Variants in CNTNAP4 observed in about 807,000 individuals in gnomAD.
CNTNAP4 encodes the protein contactin-associated protein-like 4.
CNTNAP4 carries 98 observed loss-of-function variants against 148.4 expected under a neutral mutation model. That is an observed-to-expected ratio of 0.66 (90% CI 0.56 to 0.78). The LOEUF (loss-of-function observed/expected upper bound fraction) is 0.78. CNTNAP4 is among the 30% of genes least tolerant of loss of function. CNTNAP4 has a pLI of 0.00. For missense variants in CNTNAP4, 1,935 were observed against 1,565.6 expected, an observed-to-expected ratio of 1.24 and a Z score of -3.98; for synonymous variants, 730 against 565.1, an observed-to-expected ratio of 1.29 and a Z score of -4.14.
At chr16:76,383,246 C>T (rs528924978) in intron 3 of CNTNAP4, among the ~76,000 whole-genome samples, 1 of 151,698 alleles carries the variant, frequency 6.6e-6, no homozygotes, top group Non-Finnish European at 1.5e-5. Flanking sequence ...TTTGTAAACT[C>T]CAATGAAATA....
intron 3 of CNTNAP4, among the ~76,000 whole-genome samples, chr16:76,399,195 C>T (rs1290212907): frequency 6.6e-6 from 1 of 152,098 alleles, no homozygotes; most frequent in Non-Finnish European, 1.5e-5. Context: ...TCTAGTGTGG[C>T]TCTATTAGCA....
chr16:76,350,470 T>C (rs942479565), intron 2 of CNTNAP4, among the ~76,000 whole-genome samples: 1 of 152,222 alleles, frequency 6.6e-6, no homozygotes, highest in Non-Finnish European at 1.5e-5. Flanking sequence ...GGATAATTTT[T>C]AGTTTGCTTT....
chr16:76,469,816 A>G (rs962504643), intron 10 of CNTNAP4, among the ~76,000 whole-genome samples: 1 of 152,240 alleles, frequency 6.6e-6, no homozygotes, highest in African/African-American at 2.4e-5. Context: ...AGTAATCCTA[A>G]CAATCTTAAA....
chr16:76,462,171 G>A (rs1232326838), intron 9 of CNTNAP4, 66 bp downstream of exon 9: 1 of 1,380,080 alleles, frequency 7.2e-7, no homozygotes, highest in Non-Finnish European at 1.0e-6. Flanking sequence ...CCGTGTCTTG[G>A]CGAAGTCATC....
At chr16:76,486,325 A>G (rs2082024039) in intron 12 of CNTNAP4, among the ~76,000 whole-genome samples, 1 of 152,234 alleles carries the variant, frequency 6.6e-6, no homozygotes, top group South Asian at 2.1e-4. Flanking sequence ...AAAATGCATT[A>G]TTAATGAAGA....
chr16:76,432,975 A>G (rs1026500835), intron 4 of CNTNAP4, among the ~76,000 whole-genome samples: 1 of 152,186 alleles, frequency 6.6e-6, no homozygotes, highest in South Asian at 2.1e-4. Context: ...CTCTATTTGG[A>G]TAACTCTCTT....
rs531618471 is a variant in CNTNAP4 at position 76,516,618 on chromosome 16, A to G, written c.2366-4522A>G. 6.6e-5 allele frequency among the ~76,000 whole-genome samples: 10 copies of G among 152,354 alleles called. No homozygotes were observed. In the South Asian group the frequency reaches 1.7e-3, roughly 25 times the overall value. On this transcript the variant is annotated intron_variant, in intron 15 of 23. Coordinates refer to ENST00000611870, the MANE Select transcript of CNTNAP4 (RefSeq NM_033401.5). The stretch of plus-strand genomic sequence containing the variant: ...AAATATTTGTACACAGATGTTGACA[A>G]AAGCTTTATTGGTAATAGCTGAAAG...
chr16:76,527,201 C>T (rs900109191), intron 17 of CNTNAP4, among the ~76,000 whole-genome samples: 3 of 152,158 alleles, frequency 2.0e-5, no homozygotes, highest in African/African-American at 7.2e-5. Context: ...ACCTTCTCAG[C>T]AGTAAATTGG....
At chr16:76,514,253 C>T (rs2144031385) in intron 15 of CNTNAP4, among the ~76,000 whole-genome samples, 1 of 152,256 alleles carries the variant, frequency 6.6e-6, no homozygotes, top group South Asian at 2.1e-4. Context: ...ATAAGTGTTA[C>T]TTATCTCATT....
intron 1 of CNTNAP4, among the ~76,000 whole-genome samples, chr16:76,313,983 TGAA>T (rs1961426910): frequency 6.6e-6 from 1 of 152,214 alleles, no homozygotes; most frequent in African/African-American, 2.4e-5. Context: ...TGACATCGAA[TGAA>T]GAATTGGCTG....
intron 15 of CNTNAP4, among the ~76,000 whole-genome samples, chr16:76,510,766 G>A (rs1411855797): frequency 2.0e-5 from 3 of 152,074 alleles, no homozygotes; most frequent in Admixed American, 6.6e-5. Flanking sequence ...AATTCTTTCA[G>A]ACTTGAAAGT....
chr16:76,500,024 C>T (rs1282526557), intron 15 of CNTNAP4, among the ~76,000 whole-genome samples: 2 of 152,134 alleles, frequency 1.3e-5, no homozygotes, highest in Admixed American at 6.5e-5. Context: ...CTTTTCTATT[C>T]GACAAAACCG....
intron 10 of CNTNAP4, among the ~76,000 whole-genome samples, 189 bp downstream of exon 10, chr16:76,467,712 C>G (rs1002975): frequency 6.6e-6 from 1 of 151,972 alleles, no homozygotes; most frequent in Non-Finnish European, 1.5e-5. Flanking sequence ...TAAATGACAA[C>G]ATTTGGAAGA....
chr16:76,385,362 A>G (rs537501014), intron 3 of CNTNAP4, among the ~76,000 whole-genome samples: 1 of 152,326 alleles, frequency 6.6e-6, no homozygotes, highest in African/African-American at 2.4e-5. Context: ...TTTTTAAGAT[A>G]GGATAAAAAT....
chr16:76,292,613 G>A (rs970072296), intron 1 of CNTNAP4, among the ~76,000 whole-genome samples: 1 of 152,158 alleles, frequency 6.6e-6, no homozygotes, highest in East Asian at 1.9e-4. Context: ...CTATTTATGG[G>A]TAGGACCTCC....
At position 76,452,639 on chromosome 16, in the gene CNTNAP4, G is replaced by T. The variant is rs1248918528; in HGVS notation, c.1203G>T (p.Trp401Cys). 2 of 1,613,788 alleles carry T rather than the reference G, an allele frequency of 1.2e-6. No individual in the cohort carries two copies. The highest frequency in any genetic ancestry group is 2.7e-5 in the African/African-American group (2 of 74,902). The stretch of plus-strand genomic sequence containing the variant: ...CTGCCACTTTTCAATTTCGAACTTG[G>T]AATAAGGCAGGGCTTCTGCTGTTCA... ...EVSATFQFRT[W>C]NKAGLLLFSE... The change falls in exon 8 of 24, where the codon TGG (tryptophan) becomes TGT (cysteine). Residue 401 changes from tryptophan to cysteine, a missense_variant. Transcript: ENST00000611870.
At chr16:76,495,242 C>T (rs2082362814) in intron 14 of CNTNAP4, 176 bp downstream of exon 14, 2 of 531,846 alleles carry the variant, frequency 3.8e-6, no homozygotes, top group Admixed American at 7.3e-5. Flanking sequence ...AAGTCAATGC[C>T]TTTTTGAGTT....
At chr16:76,495,551 A>T (rs982438067) in intron 14 of CNTNAP4, among the ~76,000 whole-genome samples, 3 of 152,108 alleles carry the variant, frequency 2.0e-5, no homozygotes, top group Admixed American at 6.5e-5. Context: ...TTGAAAAAAT[A>T]GATCTGTAAC....
intron 3 of CNTNAP4, among the ~76,000 whole-genome samples, chr16:76,393,332 C>T (rs1013233367): frequency 6.6e-6 from 1 of 152,198 alleles, no homozygotes; most frequent in Non-Finnish European, 1.5e-5. Context: ...TGGGGGTCAA[C>T]AAATCCTCCC....
Sources: gnomAD v4.1 joint callset for allele counts (sites outside exome capture counted in the v4.1 genomes callset) on GRCh38, gnomAD v4.1.1 for gene constraint, MANE v1.5 for transcripts, NCBI Gene and HGNC (gene_info 2026-07-23, HGNC 2026-07-21) for gene names.